ANKRD13C: variants seen among roughly 807,000 people sequenced by gnomAD.
ANKRD13C encodes ankyrin repeat domain 13C, also known as ankyrin repeat domain-containing protein 13C.
A neutral mutation model predicts 65.5 loss-of-function variants in ANKRD13C; 16 were observed. The observed-to-expected ratio is 0.24, with a 90% CI of 0.17 to 0.37. The LOEUF (loss-of-function observed/expected upper bound fraction) is 0.37. ANKRD13C is among the 10% of genes least tolerant of loss of function. The pLI is 1.00. For synonymous variants in ANKRD13C, 235 were observed against 238.7 expected, an observed-to-expected ratio of 0.98 and a Z score of 0.14; for missense variants, 503 against 655.9, an observed-to-expected ratio of 0.77 and a Z score of 2.55.
At chr1:70,337,963 G>A (rs893734986) in intron 1 of ANKRD13C, among the ~76,000 whole-genome samples, 1 of 152,124 alleles carries the variant, frequency 6.6e-6, no homozygotes, top group Non-Finnish European at 1.5e-5. Flanking sequence ...GCCAGGGGTG[G>A]TGGCGCATGC....
At chr1:70,296,009 G>A in intron 8 of ANKRD13C, 121 bp downstream of exon 8, 2 of 1,113,018 alleles carry the variant, frequency 1.8e-6, no homozygotes, top group Admixed American at 2.8e-5. Context: ...ATTCAAGGAA[G>A]AGAGAAAAAA....
intron 5 of ANKRD13C, among the ~76,000 whole-genome samples, chr1:70,309,564 A>T (rs1425041769): frequency 6.7e-6 from 1 of 150,108 alleles, no homozygotes; most frequent in Admixed American, 6.6e-5. Context: ...TAAAAAAAAG[A>T]AAATACAAAA....
At chr1:70,342,767 C>T (rs995195908) in intron 1 of ANKRD13C, among the ~76,000 whole-genome samples, 2 of 151,096 alleles carry the variant, frequency 1.3e-5, no homozygotes, top group Non-Finnish European at 3.0e-5. Flanking sequence ...CACACACACA[C>T]ACACAAAATA....
chr1:70,351,102 A>G (rs1272395402), intron 1 of ANKRD13C, among the ~76,000 whole-genome samples: 1 of 152,256 alleles, frequency 6.6e-6, no homozygotes, highest in Non-Finnish European at 1.5e-5. Flanking sequence ...CAGAGACTAC[A>G]GCAAGAGCAG....
At chr1:70,307,972 AAG>A (rs1680656008) in intron 5 of ANKRD13C, among the ~76,000 whole-genome samples, 2 of 152,142 alleles carry the variant, frequency 1.3e-5, no homozygotes, top group Admixed American at 6.6e-5. Context: ...AAAAGAAAGA[AAG>A]AAAAAACTTT....
chr1:70,265,624 C>T (rs770560276), intron 12 of ANKRD13C, among the ~76,000 whole-genome samples: 1 of 151,468 alleles, frequency 6.6e-6, no homozygotes, highest in Admixed American at 6.6e-5. Context: ...GAGTTTGAGA[C>T]CAGCCCGGGC....
chr1:70,318,263 G>A (rs1222138627), intron 3 of ANKRD13C, among the ~76,000 whole-genome samples: 1 of 152,096 alleles, frequency 6.6e-6, no homozygotes, highest in African/African-American at 2.4e-5. Context: ...GAGGATTTAG[G>A]TGATAAAAGA....
intron 3 of ANKRD13C, among the ~76,000 whole-genome samples, chr1:70,324,510 C>A (rs867515477): frequency 6.6e-6 from 1 of 151,888 alleles, no homozygotes; most frequent in Non-Finnish European, 1.5e-5. Context: ...TTTTTAGTTC[C>A]AATAATGGCC....
At chr1:70,295,140 A>T (rs1489314237) in intron 8 of ANKRD13C, among the ~76,000 whole-genome samples, 2 of 152,160 alleles carry the variant, frequency 1.3e-5, no homozygotes. Context: ...ATAATTTTTA[A>T]TAGAAGTCAA....
intron 1 of ANKRD13C, among the ~76,000 whole-genome samples, chr1:70,337,146 AACACACAC>A (rs58715407): frequency 1.2e-4 from 18 of 145,348 alleles, no homozygotes; most frequent in African/African-American, 2.3e-4. Context: ...CCATGATTCA[AACACACAC>A]ACACACACAC....
intron 5 of ANKRD13C, among the ~76,000 whole-genome samples, chr1:70,307,059 A>AT (rs1232686353): frequency 6.6e-6 from 1 of 152,340 alleles, no homozygotes; most frequent in Non-Finnish European, 1.5e-5. Context: ...ACATGTGTAC[A>AT]TAAGTGTGTG....
rs1558281019 is a variant in ANKRD13C, at chr1:70,297,286, G to GGTTTTTTTTTTTTTTT, written c.922-1026_922-1025insAAAAAAAAAAAAAAAC. On this transcript the variant is annotated intron_variant, in intron 7 of 12. Transcript: ENST00000370944. The stretch of plus-strand genomic sequence containing the variant: ...TTTAACCTACATAGAGTCCCTTTCT[G>GGTTTTTTTTTTTTTTT]ATTTTTTTTTTTTTTTTTTTTTTTT... Among the ~76,000 whole-genome samples, 18 of 125,116 alleles carry GGTTTTTTTTTTTTTTT rather than the reference G, an allele frequency of 1.4e-4. 1 individual carries two copies. The highest frequency in any genetic ancestry group is 5.4e-4 in the East Asian group (2 of 3,730). 82.1% of individuals were successfully genotyped at this position (125,116 alleles called of 152,430 possible).
intron 12 of ANKRD13C, 51 bp downstream of exon 12, chr1:70,270,805 A>G: frequency 8.0e-7 from 1 of 1,255,832 alleles, no homozygotes; most frequent in Non-Finnish European, 1.1e-6. Context: ...GTTAATAAAC[A>G]GCTCCATATT....
chr1:70,268,153 T>C (rs1678714148), intron 12 of ANKRD13C, among the ~76,000 whole-genome samples: 1 of 152,008 alleles, frequency 6.6e-6, no homozygotes. Context: ...AAATATGAAG[T>C]CACTCATACA....
Position 70,298,812 on chromosome 1 carries a change from T to C in ANKRD13C, c.921+1952A>G, listed in dbSNP as rs114874339. The stretch of plus-strand genomic sequence containing the variant: ...AATATACTCATTTATTTACATATTG[T>C]CTGTGGCTGCTTTTAACAACAGCAG... On this transcript the variant is annotated intron_variant, in intron 7 of 12. Transcript: ENST00000370944. 2.6e-3 allele frequency among the ~76,000 whole-genome samples: 402 copies of C among 152,342 alleles called. 2 individuals are homozygous for C. Among genetic ancestry groups the C allele is most frequent in the African/African-American group, 9.3e-3 (388 of 41,586 alleles).
At chr1:70,349,422 G>C in intron 1 of ANKRD13C, among the ~76,000 whole-genome samples, 1 of 151,756 alleles carries the variant, frequency 6.6e-6, no homozygotes, top group East Asian at 1.9e-4. Context: ...TGATTTTATA[G>C]CTGTTACTGT....
intron 9 of ANKRD13C, 77 bp from the exon 10 acceptor site, chr1:70,276,921 A>G: frequency 8.9e-7 from 1 of 1,120,640 alleles, no homozygotes; most frequent in Non-Finnish European, 1.3e-6. Context: ...AGATTAAAAT[A>G]CATCGTAAAC....
intron 3 of ANKRD13C, among the ~76,000 whole-genome samples, chr1:70,320,918 T>C (rs572967111): frequency 6.6e-5 from 10 of 152,192 alleles, no homozygotes; most frequent in African/African-American, 1.7e-4. Flanking sequence ...GGCTCCCGCG[T>C]AGCTGGGACT....
intron 3 of ANKRD13C, among the ~76,000 whole-genome samples, chr1:70,321,968 T>C (rs963732012): frequency 6.6e-6 from 1 of 152,170 alleles, no homozygotes; most frequent in Non-Finnish European, 1.5e-5. Flanking sequence ...AATGTTAATG[T>C]AACACAAGCC....
Sources: gnomAD v4.1 joint callset for allele counts (sites outside exome capture counted in the v4.1 genomes callset) on GRCh38, gnomAD v4.1.1 for gene constraint, MANE v1.5 for transcripts, NCBI Gene and HGNC (gene_info 2026-07-23, HGNC 2026-07-21) for gene names.